VEGFC: variants seen among roughly 807,000 people sequenced by gnomAD.
VEGFC encodes the protein FLT4 ligand DHM.
VEGFC carries 12 observed loss-of-function variants against 46.1 expected under a neutral mutation model. That is an observed-to-expected ratio of 0.26 (90% CI 0.17 to 0.42). The LOEUF is 0.42. VEGFC is among the 10% of genes least tolerant of loss of function. VEGFC has a pLI of 1.00. For synonymous variants in VEGFC, 232 were observed against 195.5 expected (o/e 1.19, Z -1.56); for missense variants, 488 against 529.4 (o/e 0.92, Z 0.77).
At chr4:176,702,223 A>G (rs979690519) in intron 4 of VEGFC, among the ~76,000 whole-genome samples, 1 of 152,176 alleles carries the variant, frequency 6.6e-6, no homozygotes, top group African/African-American at 2.4e-5. Flanking sequence ...AACTTCTTGC[A>G]AGCAAATAAG....
intron 1 of VEGFC, among the ~76,000 whole-genome samples, chr4:176,781,386 T>C (rs936884089): frequency 6.6e-6 from 1 of 152,188 alleles, no homozygotes; most frequent in African/African-American, 2.4e-5. Flanking sequence ...AGAGGACTTT[T>C]AAAAGGATAA....
intron 1 of VEGFC, among the ~76,000 whole-genome samples, chr4:176,760,284 T>C (rs548016045): frequency 1.3e-5 from 2 of 152,276 alleles, no homozygotes; most frequent in Non-Finnish European, 2.9e-5. Flanking sequence ...AGTTCTTCTG[T>C]AACTTGAAAA....
At chr4:176,783,593 T>A (rs1560966499) in intron 1 of VEGFC, among the ~76,000 whole-genome samples, 1 of 152,180 alleles carries the variant, frequency 6.6e-6, no homozygotes, top group African/African-American at 2.4e-5. Flanking sequence ...TACAGCCAAA[T>A]GACCTAAGTA....
At chr4:176,762,942 G>T (rs997255395) in intron 1 of VEGFC, among the ~76,000 whole-genome samples, 3 of 152,108 alleles carry the variant, frequency 2.0e-5, no homozygotes, top group Non-Finnish European at 4.4e-5. Flanking sequence ...CTCAATATAA[G>T]GGCAAACTAG....
intron 1 of VEGFC, among the ~76,000 whole-genome samples, chr4:176,784,566 T>C (rs569026342): frequency 7.9e-5 from 12 of 151,016 alleles, no homozygotes; most frequent in Non-Finnish European, 1.8e-4. Context: ...GCTAACATGG[T>C]CAAACCCCGT....
chr4:176,734,585 C>G (rs1386218003), intron 1 of VEGFC, among the ~76,000 whole-genome samples: 1 of 151,700 alleles, frequency 6.6e-6, no homozygotes, highest in Non-Finnish European at 1.5e-5. Context: ...TGTGGACAAT[C>G]AATGTCAAAT....
intron 4 of VEGFC, among the ~76,000 whole-genome samples, chr4:176,704,834 C>T (rs1210782059): frequency 6.6e-6 from 1 of 152,170 alleles, no homozygotes; most frequent in Non-Finnish European, 1.5e-5. Flanking sequence ...TCATGTATCC[C>T]CTCTCTACTG....
At chr4:176,756,131 T>C (rs1735429165) in intron 1 of VEGFC, among the ~76,000 whole-genome samples, 1 of 152,070 alleles carries the variant, frequency 6.6e-6, no homozygotes, top group Admixed American at 6.6e-5. Flanking sequence ...ATCTCCCACA[T>C]TCATGACTTT....
intron 1 of VEGFC, among the ~76,000 whole-genome samples, chr4:176,741,875 CCTT>C (rs763361399): frequency 5.3e-5 from 8 of 151,840 alleles, no homozygotes; most frequent in South Asian, 2.1e-4. Context: ...TTCTCCTCCT[CCTT>C]CTTCATGTAT....
chr4:176,705,117 AATTAT>A (rs1734506624), intron 4 of VEGFC, among the ~76,000 whole-genome samples: 1 of 152,186 alleles, frequency 6.6e-6, no homozygotes, highest in Admixed American at 6.6e-5. Flanking sequence ...TTAGCTAAAG[AATTAT>A]ATTATTCATT....
chr4:176,690,794 T>C (rs969342491), intron 4 of VEGFC, among the ~76,000 whole-genome samples: 3 of 152,334 alleles, frequency 2.0e-5, no homozygotes, highest in Admixed American at 1.3e-4. Context: ...TCTGTGTTGA[T>C]TGATATATGG....
At chr4:176,707,250 T>C (rs1734550342) in intron 4 of VEGFC, among the ~76,000 whole-genome samples, 1 of 152,250 alleles carries the variant, frequency 6.6e-6, no homozygotes. Context: ...GTCAACTGTT[T>C]TGAAAAATGA....
rs147519784 is a variant in VEGFC, at chr4:176,789,253, G to A, written c.147+2912C>T. Among the ~76,000 whole-genome samples, 318 of 152,272 alleles carry A rather than the reference G, an allele frequency of 2.1e-3. 2 individuals carry two copies. Among genetic ancestry groups the A allele is most frequent in the East Asian group, 6.6e-3 (34 of 5,180 alleles). Reference sequence around the variant, plus strand: ...ATGAAATCTAAATCCACTACCCTCCGTCTTTCTCAACTCAACTGAAAAGGA... The same window carrying A: ...ATGAAATCTAAATCCACTACCCTCCATCTTTCTCAACTCAACTGAAAAGGA... On this transcript the variant is annotated intron_variant, in intron 1 of 6. Transcript: ENST00000618562.
At chr4:176,711,402 TA>T in intron 4 of VEGFC, 96 bp downstream of exon 4, 1 of 1,369,060 alleles carries the variant, frequency 7.3e-7, no homozygotes, top group African/African-American at 1.5e-5. Context: ...TATATTACAG[TA>T]AATTTCACAG....
At chr4:176,741,805 T>G (rs188536064) in intron 1 of VEGFC, among the ~76,000 whole-genome samples, 1 of 152,012 alleles carries the variant, frequency 6.6e-6, no homozygotes, top group Non-Finnish European at 1.5e-5. Context: ...TAACCAGATT[T>G]TGGAAGAAAA....
chr4:176,784,519 G>A (rs914862277), intron 1 of VEGFC, among the ~76,000 whole-genome samples: 12 of 151,636 alleles, frequency 7.9e-5, no homozygotes, highest in African/African-American at 2.7e-4. Context: ...AGGCCGAGGC[G>A]GGCAGATCAC....
chr4:176,743,529 T>C (rs1276836319), intron 1 of VEGFC, among the ~76,000 whole-genome samples: 1 of 150,864 alleles, frequency 6.6e-6, no homozygotes, highest in Non-Finnish European at 1.5e-5. Flanking sequence ...ACAACATTGG[T>C]GAAAAACAGC....
At chr4:176,714,590 T>C (rs1435788675) in intron 3 of VEGFC, among the ~76,000 whole-genome samples, 1 of 152,228 alleles carries the variant, frequency 6.6e-6, no homozygotes, top group Non-Finnish European at 1.5e-5. Flanking sequence ...GGTAAGGCAC[T>C]ATTTGAGATA....
intron 1 of VEGFC, among the ~76,000 whole-genome samples, chr4:176,764,255 T>G (rs182087095): frequency 2.6e-5 from 4 of 152,222 alleles, no homozygotes; most frequent in Admixed American, 2.0e-4. Flanking sequence ...AGTCCTTGGA[T>G]AGGTAAGAGG....
Sources: gnomAD v4.1 joint callset for allele counts (sites outside exome capture counted in the v4.1 genomes callset) on GRCh38, gnomAD v4.1.1 for gene constraint, MANE v1.5 for transcripts, NCBI Gene and HGNC (gene_info 2026-07-23, HGNC 2026-07-21) for gene names.